DTNBP1: variants seen among roughly 807,000 people sequenced by gnomAD.
DTNBP1 encodes dystrobrevin binding protein 1.
Under a neutral mutation model 42.8 loss-of-function variants are expected in DTNBP1, and 35 were observed. That is an observed-to-expected ratio of 0.82 (90% CI 0.63 to 1.09). The LOEUF is 1.09. Among genes scored for constraint, DTNBP1 ranks in the 50% least tolerant of loss-of-function variants. The probability of loss-of-function intolerance (pLI) is 0.00; values close to 1 mark genes in which losing one functional copy is unlikely to be tolerated. For synonymous variants in DTNBP1, 171 were observed against 162.2 expected (o/e 1.05, Z -0.41); for missense variants, 457 against 424.2 (o/e 1.08, Z -0.68).
At chr6:15,542,342 T>C (rs1773614924) in intron 7 of DTNBP1, among the ~76,000 whole-genome samples, 1 of 152,188 alleles carries the variant, frequency 6.6e-6, no homozygotes, top group Non-Finnish European at 1.5e-5. Context: ...TGACAGATTT[T>C]AAAAATTGGG....
chr6:15,609,139 C>T (rs1032184682), intron 6 of DTNBP1, among the ~76,000 whole-genome samples: 1 of 150,888 alleles, frequency 6.6e-6, no homozygotes, highest in African/African-American at 2.4e-5. Flanking sequence ...TCTTATGCTT[C>T]AGGTGAAATT....
At position 15,584,654 on chromosome 6, in the gene DTNBP1, T is replaced by C. The variant is rs188480032; in HGVS notation, c.511+8405A>G. On this transcript the variant is annotated intron_variant, in intron 7 of 9. Transcript: ENST00000344537. ...AAGTTTGATATACCTTATTCAAATT[T>C]GTAATATTAAAAAGAGAATAACCTT... Among the ~76,000 whole-genome samples, 629 of 151,494 alleles carry C rather than the reference T, an allele frequency of 4.2e-3. 3 individuals carry two copies. The highest frequency in any genetic ancestry group is 7.3e-3 in the Non-Finnish European group (496 of 67,750).
intron 6 of DTNBP1, among the ~76,000 whole-genome samples, chr6:15,603,914 T>G (rs967496259): frequency 1.2e-4 from 18 of 152,210 alleles, no homozygotes; most frequent in African/African-American, 4.3e-4. Flanking sequence ...TCACCTGTAT[T>G]ATCAGGTGAA....
rs542525368 is a variant in DTNBP1, at chr6:15,661,363, A to G, written c.56+1451T>C. ...AGCGAGAACTTGTCACTTTAAAAAA[A>G]AGGGGGGGAGGGTGGGCCGGGAACG... On this transcript the variant is annotated intron_variant, in intron 1 of 9. Transcript: ENST00000344537. Among the ~76,000 whole-genome samples, 283 of 43,346 alleles carry G rather than the reference A, an allele frequency of 6.5e-3. 1 individual carries two copies. The highest frequency in any genetic ancestry group is 9.5e-3 in the Non-Finnish European group (216 of 22,816). The allele number at this position is 43,346 out of a possible 152,430, so 28.4% of individuals were successfully genotyped here. A position where few individuals can be genotyped will look rare whatever the true frequency, so the allele number is the denominator to read the frequency against.
intron 5 of DTNBP1, among the ~76,000 whole-genome samples, chr6:15,615,775 T>C (rs1048674123): frequency 1.3e-5 from 2 of 152,272 alleles, no homozygotes; most frequent in Non-Finnish European, 2.9e-5. Context: ...AAATTATACC[T>C]ACCTTAACCT....
intron 7 of DTNBP1, among the ~76,000 whole-genome samples, chr6:15,552,821 A>G (rs1774287106): frequency 1.3e-5 from 2 of 152,340 alleles, no homozygotes; most frequent in South Asian, 4.1e-4. Context: ...TTGCCCATCA[A>G]TTCAATACAC....
chr6:15,554,041 C>G (rs527948618), intron 7 of DTNBP1, among the ~76,000 whole-genome samples: 2 of 152,248 alleles, frequency 1.3e-5, no homozygotes, highest in South Asian at 2.1e-4. Context: ...AGAGAGGAAT[C>G]TGAACAAACA....
intron 7 of DTNBP1, among the ~76,000 whole-genome samples, chr6:15,564,416 TG>T (rs1365256107): frequency 6.6e-6 from 1 of 152,110 alleles, no homozygotes; most frequent in Admixed American, 6.5e-5. Flanking sequence ...TCTTTTTTTT[TG>T]ATTTTTTTGA....
chr6:15,524,090 G>C, intron 9 of DTNBP1: 1 of 1,326,152 alleles, frequency 7.5e-7, no homozygotes, highest in Non-Finnish European at 9.9e-7. Flanking sequence ...CACAGGCCAA[G>C]AGCTGAACAC....
chr6:15,646,888 G>T (rs983977031), intron 3 of DTNBP1, among the ~76,000 whole-genome samples: 1 of 151,964 alleles, frequency 6.6e-6, no homozygotes, highest in African/African-American at 2.4e-5. Flanking sequence ...AGACTTACAT[G>T]TAAGACCTCA....
chr6:15,596,481 T>G (rs1268300934), intron 6 of DTNBP1, among the ~76,000 whole-genome samples: 1 of 152,168 alleles, frequency 6.6e-6, no homozygotes, highest in Non-Finnish European at 1.5e-5. Context: ...ACTTCTCTGT[T>G]TTCATCCTAA....
At chr6:15,567,935 T>C (rs1337707273) in intron 7 of DTNBP1, among the ~76,000 whole-genome samples, 1 of 152,130 alleles carries the variant, frequency 6.6e-6, no homozygotes, top group Non-Finnish European at 1.5e-5. Context: ...ACAAGAACAT[T>C]ACGAGTTGCT....
intron 5 of DTNBP1, 140 bp from the exon 6 acceptor site, chr6:15,615,539 G>A: frequency 8.9e-7 from 1 of 1,126,524 alleles, no homozygotes; most frequent in South Asian, 1.4e-5. Context: ...CTTTCTTGAA[G>A]CAAAATAAAA....
intron 4 of DTNBP1, among the ~76,000 whole-genome samples, chr6:15,631,223 C>T (rs1338375830): frequency 6.6e-6 from 1 of 152,116 alleles, no homozygotes; most frequent in Non-Finnish European, 1.5e-5. Context: ...CAATAATACA[C>T]CACAGAAGGC....
intron 3 of DTNBP1, among the ~76,000 whole-genome samples, chr6:15,641,217 G>A (rs761710682): frequency 2.6e-5 from 4 of 152,110 alleles, no homozygotes; most frequent in Non-Finnish European, 5.9e-5. Flanking sequence ...GTGTGTGTGC[G>A]TGTTTTTGTT....
At chr6:15,576,663 G>A (rs865959746) in intron 7 of DTNBP1, among the ~76,000 whole-genome samples, 14 of 151,568 alleles carry the variant, frequency 9.2e-5, no homozygotes, top group Middle Eastern at 6.8e-3. Flanking sequence ...TAGCTACTCA[G>A]GAGGCTGAGG....
chr6:15,523,249 C>T (rs1173088957), intron 9 of DTNBP1, 30 bp from the exon 10 acceptor site: 2 of 1,613,242 alleles, frequency 1.2e-6, no homozygotes, highest in South Asian at 1.1e-5. Context: ...AGAAAAAGCC[C>T]TGTCATAAAA....
intron 7 of DTNBP1, among the ~76,000 whole-genome samples, chr6:15,574,924 C>T (rs11965110): frequency 6.6e-6 from 1 of 152,178 alleles, no homozygotes; most frequent in African/African-American, 2.4e-5. Context: ...GTTATTAGTA[C>T]TAATTTTTTC....
chr6:15,613,719 A>C (rs184558298), intron 6 of DTNBP1, among the ~76,000 whole-genome samples: 4 of 152,160 alleles, frequency 2.6e-5, no homozygotes, highest in African/African-American at 9.6e-5. Flanking sequence ...TTGTGGGACA[A>C]ATGAAATGTA....
Sources: allele counts gnomAD v4.1 joint callset (sites outside exome capture counted in the v4.1 genomes callset), GRCh38; gene constraint gnomAD v4.1.1; transcripts MANE v1.5; gene names NCBI Gene and HGNC (gene_info 2026-07-23, HGNC 2026-07-21).